PLCB1: variants seen among roughly 807,000 people sequenced by gnomAD.
PLCB1 encodes the protein 1-phosphatidylinositol 4,5-bisphosphate phosphodiesterase beta-1.
Under a neutral mutation model 161.8 loss-of-function variants are expected in PLCB1, and 46 were observed. The ratio of observed to expected loss-of-function variants is 0.28; its 90% CI spans 0.22 to 0.36. The LOEUF (loss-of-function observed/expected upper bound fraction) is 0.36, where lower values mean the gene tolerates loss of function less well. Ranked by LOEUF, PLCB1 falls within the 10% of genes least tolerant of loss-of-function variation. The probability of loss-of-function intolerance (pLI) is 1.00; values close to 1 mark genes in which losing one functional copy is unlikely to be tolerated. For missense variants in PLCB1, 1,016 were observed against 1,472.5 expected (o/e 0.69, Z 5.07); for synonymous variants, 517 against 503.7 (o/e 1.03, Z -0.35).
rs192702076 is a variant in PLCB1 at position 8,590,270 on chromosome 20, G to A, written c.247-38024G>A. 3.4e-3 allele frequency among the ~76,000 whole-genome samples: 521 copies of A among 152,144 alleles called. 7 individuals carry two copies. The highest frequency in any genetic ancestry group is 2.6e-3 in the Non-Finnish European group (177 of 68,000). ...AGCACAATGTACCTATGACAAATTC[G>A]GAAGTCGTATGTTGGGAATTAATCC... On this transcript the variant is annotated intron_variant, in intron 3 of 31. Transcript: ENST00000338037.
chr20:8,542,195 C>CCGGTTCTTTCCTACGTGTGAACCGTGCT (rs1985362140), intron 3 of PLCB1, among the ~76,000 whole-genome samples: 1 of 152,162 alleles, frequency 6.6e-6, no homozygotes, highest in Non-Finnish European at 1.5e-5. Context: ...ATTTCCACGA[C>CCGGTTCTTTCCTACGTGTGAACCGTGCT]CGGTTCTTTC....
chr20:8,573,431 A>G (rs1327285739), intron 3 of PLCB1, among the ~76,000 whole-genome samples: 1 of 152,238 alleles, frequency 6.6e-6, no homozygotes, highest in Non-Finnish European at 1.5e-5. Flanking sequence ...AATGATGTCA[A>G]TATGTTTGGC....
At chr20:8,147,546 T>A in intron 1 of PLCB1, among the ~76,000 whole-genome samples, 1 of 152,186 alleles carries the variant, frequency 6.6e-6, no homozygotes, top group East Asian at 1.9e-4. Context: ...ATATAGATAC[T>A]AGCAGCTATG....
chr20:8,800,331 A>G (rs1287153110), intron 31 of PLCB1, among the ~76,000 whole-genome samples: 1 of 152,218 alleles, frequency 6.6e-6, no homozygotes, highest in African/African-American at 2.4e-5. Flanking sequence ...ACAGAAATCA[A>G]CAGACACAAG....
intron 3 of PLCB1, among the ~76,000 whole-genome samples, chr20:8,616,697 A>C (rs1988048862): frequency 6.6e-6 from 1 of 152,206 alleles, no homozygotes; most frequent in African/African-American, 2.4e-5. Context: ...AGCACAAGGA[A>C]AATGCTGAGT....
intron 3 of PLCB1, among the ~76,000 whole-genome samples, chr20:8,528,331 A>T (rs1350917136): frequency 1.3e-5 from 2 of 152,132 alleles, no homozygotes; most frequent in Non-Finnish European, 2.9e-5. Flanking sequence ...TGAAGAAATG[A>T]TGATGTATTC....
At chr20:8,662,344 T>TATATGTAATTATTTATTATATAATTAC (rs1568551454) in intron 9 of PLCB1, among the ~76,000 whole-genome samples, 1 of 125,256 alleles carries the variant, frequency 8.0e-6, no homozygotes, top group African/African-American at 3.2e-5. Flanking sequence ...TATATAATTA[T>TATATGTAATTATTTATTATATAATTAC]GTATAATATG....
At chr20:8,447,637 A>G (rs186573924) in intron 3 of PLCB1, among the ~76,000 whole-genome samples, 13 of 152,314 alleles carry the variant, frequency 8.5e-5, no homozygotes, top group Non-Finnish European at 1.5e-4. Context: ...ACTCTCAGTG[A>G]AAGGTACAGA....
intron 10 of PLCB1, among the ~76,000 whole-genome samples, chr20:8,691,942 G>T (rs1240878113): frequency 2.0e-5 from 3 of 152,062 alleles, no homozygotes; most frequent in Non-Finnish European, 4.4e-5. Context: ...TCAAGAAAAA[G>T]AAATCTTCCT....
In PLCB1 at chr20:8,786,854, C is replaced by T. The variant is rs534705399; in HGVS notation, c.3112-1595C>T. ...AAGTAGCTGGGATTACAGGCACCCA[C>T]CACCAGGCCTGGCTAACTTTCTGTA... On this transcript the variant is annotated intron_variant, in intron 27 of 31. Coordinates refer to ENST00000338037, the MANE Select transcript of PLCB1 (RefSeq NM_015192.4). 3.2e-4 allele frequency among the ~76,000 whole-genome samples: 49 copies of T among 151,588 alleles called. No individual in the cohort carries two copies. In the South Asian group the frequency reaches 1.0e-2, roughly 31 times the overall value.
At chr20:8,788,592 A>G (rs1186649323) in intron 28 of PLCB1, 41 bp from the exon 29 acceptor site, 1 of 1,595,008 alleles carries the variant, frequency 6.3e-7, no homozygotes, top group Admixed American at 1.7e-5. Flanking sequence ...TTCCCATCTG[A>G]TTTGCCTCTT....
chr20:8,429,020 A>G (rs1445618431), intron 3 of PLCB1, among the ~76,000 whole-genome samples: 1 of 152,118 alleles, frequency 6.6e-6, no homozygotes, highest in Non-Finnish European at 1.5e-5. Context: ...AGCCTCTGAG[A>G]GGCCAGTATT....
intron 3 of PLCB1, among the ~76,000 whole-genome samples, chr20:8,595,222 G>A (rs1342810022): frequency 6.9e-6 from 1 of 145,098 alleles, no homozygotes; most frequent in Non-Finnish European, 1.5e-5. Context: ...CTAGCATTAG[G>A]TATATCTCCC....
chr20:8,155,564 T>C (rs2051550431), intron 2 of PLCB1, among the ~76,000 whole-genome samples: 1 of 152,220 alleles, frequency 6.6e-6, no homozygotes, highest in Non-Finnish European at 1.5e-5. Context: ...GCATCATAAA[T>C]GTCAACAAGA....
At chr20:8,258,547 A>G (rs753796990) in intron 2 of PLCB1, among the ~76,000 whole-genome samples, 10 of 152,192 alleles carry the variant, frequency 6.6e-5, no homozygotes, top group Non-Finnish European at 1.3e-4. Flanking sequence ...TTTTCCCTGC[A>G]AAGTGCTAGA....
rs558894004 is a variant in PLCB1 at position 8,798,698 on chromosome 20, G to C, written c.3423+8437G>C. Among the ~76,000 whole-genome samples, 5 of 152,206 alleles carry C rather than the reference G, an allele frequency of 3.3e-5. No homozygotes were observed. The East Asian group carries it at 9.7e-4, about 29-fold the overall frequency. On this transcript the variant is annotated intron_variant, in intron 31 of 31. Transcript: ENST00000338037. The stretch of plus-strand genomic sequence containing the variant: ...CATCAACCAGACACATAAATCAACA[G>C]ATCAGCAACAATGCCTGAGTATTAC...
intron 9 of PLCB1, among the ~76,000 whole-genome samples, chr20:8,662,375 A>T (rs1297301818): frequency 7.8e-6 from 1 of 128,992 alleles, no homozygotes; most frequent in Non-Finnish European, 1.6e-5. Flanking sequence ...TTATATAATT[A>T]TGTATAATAT....
At chr20:8,560,853 C>T (rs1166214143) in intron 3 of PLCB1, among the ~76,000 whole-genome samples, 1 of 151,818 alleles carries the variant, frequency 6.6e-6, no homozygotes, top group Non-Finnish European at 1.5e-5. Context: ...TTCTTTAAGC[C>T]ACAGAATAAC....
At chr20:8,255,735 A>T (rs750612807) in intron 2 of PLCB1, among the ~76,000 whole-genome samples, 11 of 152,018 alleles carry the variant, frequency 7.2e-5, no homozygotes, top group Non-Finnish European at 1.3e-4. Flanking sequence ...ATGACAGTTT[A>T]ATTTCTTCTA....
Sources: allele counts gnomAD v4.1 joint callset (sites outside exome capture counted in the v4.1 genomes callset), GRCh38; gene constraint gnomAD v4.1.1; transcripts MANE v1.5; gene names NCBI Gene and HGNC (gene_info 2026-07-23, HGNC 2026-07-21).